ZNF140: variants seen among roughly 807,000 people sequenced by gnomAD.
The protein encoded by ZNF140 is zinc finger protein 140 (clone pHZ-39).
In ZNF140, 13 loss-of-function variants were observed where a neutral mutation model predicts 12.9. That is an observed-to-expected ratio of 1.01 (90% CI 0.66 to 1.60). The LOEUF (loss-of-function observed/expected upper bound fraction) is 1.60, where lower values mean the gene tolerates loss of function less well. Ranked by LOEUF, ZNF140 falls within the 40% of genes most tolerant of loss-of-function variation. The probability of loss-of-function intolerance (pLI) is 0.00; values close to 1 mark genes in which losing one functional copy is unlikely to be tolerated. For missense variants in ZNF140, 531 were observed against 548.8 expected (o/e 0.97, Z 0.32); for synonymous variants, 214 against 186.7 (o/e 1.15, Z -1.19).
rs182308245 is a variant in ZNF140 at position 133,095,786 on chromosome 12, T to C, written c.233-9724T>C. Among the ~76,000 whole-genome samples, 1,089 of 151,010 alleles carry C rather than the reference T, an allele frequency of 7.2e-3. 1 individual carries two copies. The highest frequency in any genetic ancestry group is 0.014 in the Middle Eastern group (4 of 290). On this transcript the variant is annotated intron_variant, in intron 4 of 4. Coordinates refer to ENST00000355557, the MANE Select transcript of ZNF140 (RefSeq NM_003440.4). ...TTTAAGGGAAGGTACTATGCCTGGA[T>C]GTGCACGTAATCCAGATTTATGTTT...
chr12:133,092,556 G>T (rs1247785323), intron 4 of ZNF140, among the ~76,000 whole-genome samples: 1 of 151,250 alleles, frequency 6.6e-6, no homozygotes, highest in African/African-American at 2.4e-5. Context: ...ATTTTAATGT[G>T]GTAGGAGACC....
At chr12:133,104,999 T>A (rs1158692241) in intron 4 of ZNF140, among the ~76,000 whole-genome samples, 1 of 152,134 alleles carries the variant, frequency 6.6e-6, no homozygotes, top group Non-Finnish European at 1.5e-5. Context: ...ATACCAAATA[T>A]GAGCTTCATA....
At chr12:133,101,505 C>T (rs1288493923) in intron 4 of ZNF140, among the ~76,000 whole-genome samples, 4 of 152,122 alleles carry the variant, frequency 2.6e-5, no homozygotes, top group Admixed American at 1.3e-4. Flanking sequence ...AGTGCAGTGG[C>T]GCGATCTCAG....
chr12:133,105,840 C>T lies in ZNF140; in HGVS notation c.563C>T (p.Pro188Leu). Residue 188 changes from proline (P) to leucine (L), a missense_variant, in exon 5 of 5, where the codon CCA (proline) becomes CTA (leucine). Physicochemically the swap from Pro to Leu is moderately conservative, Grantham distance 98. Transcript: ENST00000355557. Reference protein sequence around the residue: ...LHQRTHTGEKPYACKECGKTF... With the variant: ...LHQRTHTGEKLYACKECGKTF... ...CAGAGGACTCATACTGGAGAGAAAC[C>T]ATATGCATGTAAGGAATGTGGCAAA... The T allele has an allele frequency of 1.2e-6, 2 of 1,614,176 alleles. No homozygotes were observed. The highest frequency in any genetic ancestry group is 1.7e-6 in the Non-Finnish European group (2 of 1,180,048).
chr12:133,095,439 C>A (rs77602907), intron 4 of ZNF140, among the ~76,000 whole-genome samples: 2 of 150,788 alleles, frequency 1.3e-5, no homozygotes, highest in Admixed American at 6.6e-5. Context: ...CATACCTTCA[C>A]CCTAGAGAAA....
intron 4 of ZNF140, among the ~76,000 whole-genome samples, chr12:133,105,271 T>C (rs1396463118): frequency 1.3e-5 from 2 of 152,198 alleles, no homozygotes; most frequent in African/African-American, 4.8e-5. Context: ...GATAGCTCTA[T>C]TTTCCCTGCT....
At chr12:133,084,056 ACCT>A in intron 4 of ZNF140, 1 of 357,014 alleles carries the variant, frequency 2.8e-6, no homozygotes, top group South Asian at 2.1e-5. Flanking sequence ...TTTCTATATT[ACCT>A]AACAGCTGAC....
intron 4 of ZNF140, chr12:133,084,035 C>T (rs1954591848): frequency 3.0e-6 from 1 of 332,108 alleles, no homozygotes; most frequent in African/African-American, 2.2e-5. Context: ...ACTTCATACC[C>T]AATTCTGTTT....
intron 4 of ZNF140, among the ~76,000 whole-genome samples, chr12:133,090,631 A>G (rs1285182676): frequency 3.6e-5 from 5 of 137,256 alleles, no homozygotes; most frequent in Non-Finnish European, 6.5e-5. Context: ...CAAAGTATAG[A>G]GAAACAACAG....
In ZNF140 at chr12:133,102,337, A is replaced by T. The variant is rs993567838; in HGVS notation, c.233-3173A>T. ...ATTGATCTTAAATAACATTGGTGATAGAAGGTATTAGGCTGTTTTCCCAAG... is the reference window on the plus strand; with the variant it reads ...ATTGATCTTAAATAACATTGGTGATTGAAGGTATTAGGCTGTTTTCCCAAG... On this transcript the variant is annotated intron_variant, in intron 4 of 4. Transcript: ENST00000355557. 2.9e-4 allele frequency among the ~76,000 whole-genome samples: 44 copies of T among 152,326 alleles called. 1 individual carries two copies. In the South Asian group the frequency reaches 8.7e-3, roughly 30 times the overall value.
intron 4 of ZNF140, chr12:133,101,036 A>AGC (rs1955328330): frequency 2.3e-6 from 1 of 444,434 alleles, no homozygotes; most frequent in Non-Finnish European, 4.5e-6. Context: ...TGTAATTCCC[A>AGC]GCCTTGTTCC....
At chr12:133,084,189 T>G in intron 4 of ZNF140, 2 of 437,798 alleles carry the variant, frequency 4.6e-6, no homozygotes, top group Non-Finnish European at 9.0e-6. Context: ...CTTTCCTTTC[T>G]TTCTTCAAAT....
chr12:133,107,140 C>G lies in ZNF140; in HGVS notation c.*489C>G, dbSNP rs936972969. 2.6e-5 allele frequency: 4 copies of G among 152,770 alleles called. No homozygotes were observed. Among genetic ancestry groups the G allele is most frequent in the Non-Finnish European group, 4.4e-5 (3 of 68,514 alleles). 9.5% of individuals were successfully genotyped at this position (152,770 alleles called of 1,614,324 possible). A position where few individuals can be genotyped will look rare whatever the true frequency, so the allele number is the denominator to read the frequency against. On this transcript the variant is annotated 3_prime_UTR_variant, in exon 5 of 5. Coordinates refer to ENST00000355557, the MANE Select transcript of ZNF140 (RefSeq NM_003440.4). ...ATACAAACACAGTGATTTGGGAATGCCTTCATTTACAATGCAATACTTACA... is the reference window on the plus strand; with the variant it reads ...ATACAAACACAGTGATTTGGGAATGGCTTCATTTACAATGCAATACTTACA...
chr12:133,102,930 T>C (rs1269280264), intron 4 of ZNF140, among the ~76,000 whole-genome samples: 2 of 151,854 alleles, frequency 1.3e-5, no homozygotes, highest in Non-Finnish European at 2.9e-5. Flanking sequence ...ATTCTATTTT[T>C]ATATCTCGAA....
intron 4 of ZNF140, among the ~76,000 whole-genome samples, chr12:133,089,255 A>T (rs1459823750): frequency 6.6e-6 from 1 of 151,276 alleles, no homozygotes; most frequent in Non-Finnish European, 1.5e-5. Context: ...CTCTGTTGTC[A>T]AGGCTGGAGT....
chr12:133,082,214 C>T (rs1236071720), intron 2 of ZNF140: 1 of 152,244 alleles, frequency 6.6e-6, no homozygotes, highest in Non-Finnish European at 1.5e-5. Context: ...TCATACTTCT[C>T]TCCAAATTCA....
Position 133,094,003 on chromosome 12 carries a change from C to T in ZNF140, c.232+10442C>T, listed in dbSNP as rs1485476034. Among the ~76,000 whole-genome samples the T allele has an allele frequency of 2.0e-5, 3 of 151,106 alleles. 1 individual carries two copies. The highest frequency in any genetic ancestry group is 4.4e-5 in the Non-Finnish European group (3 of 67,866). ...AGTCTCTTTTTCTTTCTCTTTTTCT[C>T]CCCAGTTTTACTTTTCTCTCTGTTG... On this transcript the variant is annotated intron_variant, in intron 4 of 4. Transcript: ENST00000355557.
intron 2 of ZNF140, chr12:133,081,980 C>G (rs1458068538): frequency 6.5e-6 from 1 of 154,820 alleles, no homozygotes; most frequent in Non-Finnish European, 1.4e-5. Context: ...CCAAGTGATT[C>G]TAATGTGCAA....
chr12:133,106,754 A>G lies in ZNF140; in HGVS notation c.*103A>G, dbSNP rs149413497. The G allele has an allele frequency of 6.1e-4, 669 of 1,103,186 alleles. 4 individuals are homozygous for G. In the African/African-American group the frequency reaches 9.1e-3, roughly 15 times the overall value. 68.3% of individuals were successfully genotyped at this position (1,103,186 alleles called of 1,614,324 possible). A position where few individuals can be genotyped will look rare whatever the true frequency, so the allele number is the denominator to read the frequency against. On this transcript the variant is annotated 3_prime_UTR_variant, in exon 5 of 5. Transcript: ENST00000355557. ...TGGAAAGAAGCCTTATGTGAAAGTG[A>G]TGACTGTGAAGTAATATGGCCCACA...
Sources: gnomAD v4.1 joint callset for allele counts (sites outside exome capture counted in the v4.1 genomes callset) on GRCh38, gnomAD v4.1.1 for gene constraint, MANE v1.5 for transcripts, NCBI Gene and HGNC (gene_info 2026-07-23, HGNC 2026-07-21) for gene names.